The following EPB41L4A variants were observed in gnomAD, a reference collection of about 807,000 sequenced individuals.
EPB41L4A encodes the protein band 4.1-like protein 4A.
Under a neutral mutation model 108.6 loss-of-function variants are expected in EPB41L4A, and 100 were observed. The ratio of observed to expected loss-of-function variants is 0.92; its 90% CI spans 0.78 to 1.09. The LOEUF is 1.09. Ranked by LOEUF, EPB41L4A falls within the 50% of genes least tolerant of loss-of-function variation. EPB41L4A has a pLI of 0.00. For synonymous variants in EPB41L4A, 319 were observed against 289.0 expected (o/e 1.10, Z -1.05); for missense variants, 1,030 against 842.7 (o/e 1.22, Z -2.75).
chr5:112,243,195 TAAG>T (rs929217652), intron 9 of EPB41L4A, among the ~76,000 whole-genome samples: 10 of 145,418 alleles, frequency 6.9e-5, no homozygotes, highest in African/African-American at 2.8e-4. Context: ...GCCTGGGTGA[TAAG>T]AATGAGACTC....
At chr5:112,219,928 T>C (rs1747929836) in intron 12 of EPB41L4A, among the ~76,000 whole-genome samples, 1 of 152,160 alleles carries the variant, frequency 6.6e-6, no homozygotes, top group South Asian at 2.1e-4. Context: ...ACTCCTGACC[T>C]CAAGTGATCC....
chr5:112,339,490 A>T lies in EPB41L4A; in HGVS notation c.100-32000T>A, dbSNP rs78114426. Among the ~76,000 whole-genome samples, 6 of 119,740 alleles carry T rather than the reference A, an allele frequency of 5.0e-5. 1 individual carries two copies. The highest frequency in any genetic ancestry group is 1.9e-4 in the African/African-American group (5 of 26,396). 78.6% of individuals were successfully genotyped at this position (119,740 alleles called of 152,430 possible). A position where few individuals can be genotyped will look rare whatever the true frequency, so the allele number is the denominator to read the frequency against. On this transcript the variant is annotated intron_variant, in intron 1 of 22. Coordinates refer to ENST00000261486, the MANE Select transcript of EPB41L4A (RefSeq NM_022140.5). The stretch of plus-strand genomic sequence containing the variant: ...TATATATATCTATATATATATATAT[A>T]TATATCTATATATATATATAGATAT...
downstream of EPB41L4A, among the ~76,000 whole-genome samples, chr5:112,158,924 G>A (rs1759744856): frequency 6.6e-6 from 1 of 152,206 alleles, no homozygotes; most frequent in Non-Finnish European, 1.5e-5. Context: ...ACTAAGGCAT[G>A]TTATAATCCC....
intron 2 of EPB41L4A, among the ~76,000 whole-genome samples, chr5:112,306,592 G>A (rs1056754488): frequency 1.3e-5 from 2 of 152,128 alleles, no homozygotes; most frequent in African/African-American, 4.8e-5. Flanking sequence ...TTCAACAGCA[G>A]TTGAGTAGGA....
chr5:112,288,240 A>G (rs1243497570), intron 2 of EPB41L4A, among the ~76,000 whole-genome samples: 1 of 152,220 alleles, frequency 6.6e-6, no homozygotes, highest in Admixed American at 6.5e-5. Context: ...GGTACAGAAG[A>G]GCTTATTCCA....
chr5:112,389,110 A>C (rs1179804700), intron 1 of EPB41L4A, among the ~76,000 whole-genome samples: 4 of 152,252 alleles, frequency 2.6e-5, no homozygotes, highest in African/African-American at 9.6e-5. Context: ...TCGGAGAACA[A>C]CAACAGGAGA....
chr5:112,342,539 G>A (rs374614107), intron 1 of EPB41L4A, among the ~76,000 whole-genome samples: 15 of 152,260 alleles, frequency 9.9e-5, no homozygotes, highest in South Asian at 6.2e-4. Flanking sequence ...ATTTCCCCAC[G>A]TGATGCATTA....
At chr5:112,342,799 G>A (rs1465766696) in intron 1 of EPB41L4A, among the ~76,000 whole-genome samples, 1 of 152,202 alleles carries the variant, frequency 6.6e-6, no homozygotes, top group Non-Finnish European at 1.5e-5. Context: ...AAATTCCATC[G>A]TGCACAGATA....
chr5:112,215,203 G>A lies in EPB41L4A; in HGVS notation c.1088-5221C>T, dbSNP rs187724389. 3.0e-4 allele frequency among the ~76,000 whole-genome samples: 45 copies of A among 152,270 alleles called. 1 individual carries two copies. The East Asian group carries it at 7.5e-3, about 25-fold the overall frequency. ...TAATAGATGTGGTGGTACCTGAGAC[G>A]CATGTCAAAAGGACATGCGGCAATA... On this transcript the variant is annotated intron_variant, in intron 12 of 22. Transcript: ENST00000261486.
intron 17 of EPB41L4A, among the ~76,000 whole-genome samples, chr5:112,190,456 C>G (rs1761640451): frequency 6.6e-6 from 1 of 152,050 alleles, no homozygotes; most frequent in Non-Finnish European, 1.5e-5. Context: ...CCATGAATCA[C>G]AAGTTAAGAA....
intron 22 of EPB41L4A, among the ~76,000 whole-genome samples, chr5:112,167,922 A>G (rs970603658): frequency 2.0e-5 from 3 of 152,242 alleles, no homozygotes; most frequent in African/African-American, 7.2e-5. Flanking sequence ...ATGTGCTTAG[A>G]TGCATTTTTA....
At chr5:112,253,108 G>T (rs1337093043) in intron 9 of EPB41L4A, among the ~76,000 whole-genome samples, 2 of 152,120 alleles carry the variant, frequency 1.3e-5, no homozygotes, top group East Asian at 3.8e-4. Context: ...CTGGGTATTT[G>T]CATTGATTTA....
intron 18 of EPB41L4A, chr5:112,175,134 C>A (rs1580368891): frequency 6.6e-6 from 1 of 152,280 alleles, no homozygotes; most frequent in East Asian, 1.9e-4. Context: ...TCATCTTCCA[C>A]AGTATCAGTA....
chr5:112,236,262 T>C (rs1487024368), intron 11 of EPB41L4A, among the ~76,000 whole-genome samples: 1 of 152,128 alleles, frequency 6.6e-6, no homozygotes, highest in Non-Finnish European at 1.5e-5. Flanking sequence ...TGATCTGCCA[T>C]AGGCTATACA....
chr5:112,354,642 C>T (rs1232975002), intron 1 of EPB41L4A, among the ~76,000 whole-genome samples: 1 of 152,156 alleles, frequency 6.6e-6, no homozygotes, highest in African/African-American at 2.4e-5. Flanking sequence ...TTCCCCATGC[C>T]ATCTAGCTCC....
intron 1 of EPB41L4A, among the ~76,000 whole-genome samples, chr5:112,355,226 C>T (rs902691404): frequency 2.6e-5 from 4 of 152,164 alleles, no homozygotes; most frequent in Admixed American, 1.3e-4. Flanking sequence ...TTGTAAACCA[C>T]TAGAAACCGA....
intron 1 of EPB41L4A, among the ~76,000 whole-genome samples, chr5:112,332,784 C>G (rs821733): frequency 0.9 from 136,985 of 152,274 alleles, 61,679 homozygotes; most frequent in South Asian, 0.96. Context: ...TTTTTAAAAA[C>G]TCTGCCATAT....
At chr5:112,350,048 T>C (rs946439957) in intron 1 of EPB41L4A, among the ~76,000 whole-genome samples, 6 of 152,222 alleles carry the variant, frequency 3.9e-5, no homozygotes, top group African/African-American at 1.4e-4. Flanking sequence ...AGAAATATTC[T>C]GTAATATGCA....
At chr5:112,191,423 C>T (rs1350113214) in intron 17 of EPB41L4A, among the ~76,000 whole-genome samples, 1 of 152,146 alleles carries the variant, frequency 6.6e-6, no homozygotes, top group Non-Finnish European at 1.5e-5. Context: ...TAACATTAGC[C>T]TTCCAGAGCT....
Sources: gnomAD v4.1 joint callset for allele counts (sites outside exome capture counted in the v4.1 genomes callset) on GRCh38, gnomAD v4.1.1 for gene constraint, MANE v1.5 for transcripts, NCBI Gene and HGNC (gene_info 2026-07-23, HGNC 2026-07-21) for gene names.